TMEM154: variants seen among roughly 807,000 people sequenced by gnomAD.
TMEM154 encodes transmembrane protein 154.
A neutral mutation model predicts 24.5 loss-of-function variants in TMEM154; 27 were observed. The observed-to-expected ratio is 1.10, with a 90% CI of 0.81 to 1.52. The LOEUF is 1.52. Ranked by LOEUF, TMEM154 falls within the 40% of genes most tolerant of loss-of-function variation. The probability of loss-of-function intolerance (pLI) is 0.00; values close to 1 mark genes in which losing one functional copy is unlikely to be tolerated. For missense variants in TMEM154, 228 were observed against 213.4 expected (o/e 1.07, Z -0.43); for synonymous variants, 67 against 76.8 (o/e 0.87, Z 0.67).
At chr4:152,658,674 A>G (rs1017591758) in intron 1 of TMEM154, among the ~76,000 whole-genome samples, 1 of 152,142 alleles carries the variant, frequency 6.6e-6, no homozygotes, top group Admixed American at 6.5e-5. Flanking sequence ...CTAGCTGGGC[A>G]TGGTGGCACA....
chr4:152,637,630 GTTC>G (rs1752175859), intron 6 of TMEM154, among the ~76,000 whole-genome samples: 1 of 152,272 alleles, frequency 6.6e-6, no homozygotes, highest in East Asian at 1.9e-4. Context: ...AAGGACAGAT[GTTC>G]TTATTTCCAT....
Position 152,624,638 on chromosome 4 carries a change from C to A in TMEM154, c.*3908G>T, listed in dbSNP as rs1209663669. 1 of 151,914 alleles carries A rather than the reference C, an allele frequency of 6.6e-6. No homozygotes were observed. Among genetic ancestry groups the A allele is most frequent in the African/African-American group, 2.4e-5 (1 of 41,384 alleles). The allele number at this position is 151,914 out of a possible 1,614,324, so 9.4% of individuals were successfully genotyped here. On this transcript the variant is annotated 3_prime_UTR_variant, in exon 7 of 7. Transcript: ENST00000304385. Reference sequence around the variant, plus strand: ...ATAAAAAAAAACACCCAAAAACTATCCCCAAGAGGACTAAGAAGGAAATAA... The same window carrying A: ...ATAAAAAAAAACACCCAAAAACTATACCCAAGAGGACTAAGAAGGAAATAA...
At chr4:152,679,299 G>C (rs1311607167) in intron 1 of TMEM154, among the ~76,000 whole-genome samples, 1 of 149,948 alleles carries the variant, frequency 6.7e-6, no homozygotes, top group Non-Finnish European at 1.5e-5. Context: ...GTAGATGAAA[G>C]ACCTTACTTG....
At chr4:152,646,923 G>C in intron 3 of TMEM154, 3 of 702,220 alleles carry the variant, frequency 4.3e-6, no homozygotes, top group Non-Finnish European at 7.8e-6. Flanking sequence ...TTTATCGCCC[G>C]CTGTTTTCCC....
intron 1 of TMEM154, among the ~76,000 whole-genome samples, chr4:152,675,538 A>G (rs1304941187): frequency 2.0e-5 from 3 of 152,192 alleles, no homozygotes; most frequent in Non-Finnish European, 2.9e-5. Context: ...GAGGCAGGAG[A>G]ATCGCTTGAA....
chr4:152,644,886 T>C (rs577361071), intron 3 of TMEM154, among the ~76,000 whole-genome samples: 1 of 152,332 alleles, frequency 6.6e-6, no homozygotes, highest in East Asian at 1.9e-4. Context: ...TGGTGGAGGA[T>C]GTGGGATCTT....
chr4:152,619,514 T>C lies in TMEM154; in HGVS notation c.*9032A>G, dbSNP rs1030629557. Reference sequence around the variant, plus strand: ...ATGTCCTTTCCACCTTGAACCTAGGTAGACTTTGTAACTGTCTCAAACAAT... The same window carrying C: ...ATGTCCTTTCCACCTTGAACCTAGGCAGACTTTGTAACTGTCTCAAACAAT... On this transcript the variant is annotated 3_prime_UTR_variant, in exon 7 of 7. Coordinates refer to ENST00000304385, the MANE Select transcript of TMEM154 (RefSeq NM_152680.3). The C allele has an allele frequency of 5.9e-5, 9 of 152,172 alleles. No homozygotes were observed. The highest frequency in any genetic ancestry group is 8.8e-5 in the Non-Finnish European group (6 of 68,030). 9.4% of individuals were successfully genotyped at this position (152,172 alleles called of 1,614,324 possible).
chr4:152,635,215 C>T (rs1435615694), intron 6 of TMEM154, among the ~76,000 whole-genome samples: 1 of 152,180 alleles, frequency 6.6e-6, no homozygotes, highest in Non-Finnish European at 1.5e-5. Context: ...CACCATTCAC[C>T]GAGTACTTTC....
intron 6 of TMEM154, among the ~76,000 whole-genome samples, chr4:152,636,274 G>T (rs1752146917): frequency 6.6e-6 from 1 of 152,248 alleles, no homozygotes; most frequent in Non-Finnish European, 1.5e-5. Context: ...GATCAGGGAT[G>T]AAATTCTCTT....
Position 152,661,291 on chromosome 4 carries a change from TCTCTCTCTC to T in TMEM154, c.65-8373_65-8365del, listed in dbSNP as rs1728598974. Among the ~76,000 whole-genome samples, 31 of 56,554 alleles carry T rather than the reference TCTCTCTCTC, an allele frequency of 5.5e-4. 1 individual carries two copies. The highest frequency in any genetic ancestry group is 1.6e-3 in the African/African-American group (27 of 17,376). The allele number at this position is 56,554 out of a possible 152,430, so 37.1% of individuals were successfully genotyped here. ...ATCAAGGGATTGTTCTCTTTCTCTC[TCTCTCTCTC>T]TCTCTCTCTCTCTCTCTCTCTCTCT... On this transcript the variant is annotated intron_variant, in intron 1 of 6. Coordinates refer to ENST00000304385, the MANE Select transcript of TMEM154 (RefSeq NM_152680.3).
At chr4:152,659,432 A>G (rs1433797364) in intron 1 of TMEM154, among the ~76,000 whole-genome samples, 1 of 152,208 alleles carries the variant, frequency 6.6e-6, no homozygotes, top group Non-Finnish European at 1.5e-5. Context: ...TAGACAGTAT[A>G]AATTATAATG....
At chr4:152,638,182 T>C (rs34743749) in intron 6 of TMEM154, among the ~76,000 whole-genome samples, 8,745 of 152,228 alleles carry the variant, frequency 0.057, 295 homozygotes, top group Non-Finnish European at 0.076. Context: ...GGGAGAATCA[T>C]TTAGGCCCAG....
At chr4:152,671,485 C>T (rs1728835132) in intron 1 of TMEM154, among the ~76,000 whole-genome samples, 1 of 152,052 alleles carries the variant, frequency 6.6e-6, no homozygotes, top group Admixed American at 6.5e-5. Flanking sequence ...CGGTGGCTCA[C>T]GCCTGTAATC....
intron 3 of TMEM154, chr4:152,647,130 A>G (rs777736812): frequency 1.5e-5 from 22 of 1,463,512 alleles, no homozygotes; most frequent in Non-Finnish European, 1.9e-5. Flanking sequence ...GTCCTCTCCC[A>G]TTGTCAAATT....
chr4:152,634,002 C>T (rs986700817), intron 6 of TMEM154, among the ~76,000 whole-genome samples: 5 of 122,852 alleles, frequency 4.1e-5, no homozygotes, highest in East Asian at 2.5e-4. Context: ...GCACTCTAGT[C>T]GTCTGGGCAA....
At chr4:152,648,676 C>T (rs961394751) in intron 3 of TMEM154, among the ~76,000 whole-genome samples, 4 of 152,152 alleles carry the variant, frequency 2.6e-5, no homozygotes, top group African/African-American at 9.7e-5. Context: ...GATGCATGGA[C>T]CATGTCTGAG....
At position 152,644,803 on chromosome 4, in the gene TMEM154, C is replaced by T. The variant is rs998654873; in HGVS notation, c.365-361G>A. 2.0e-5 allele frequency among the ~76,000 whole-genome samples: 3 copies of T among 152,192 alleles called. No individual in the cohort carries two copies. The East Asian group carries it at 5.8e-4, about 29-fold the overall frequency. On this transcript the variant is annotated intron_variant, in intron 3 of 6. Coordinates refer to ENST00000304385, the MANE Select transcript of TMEM154 (RefSeq NM_152680.3). ...TCCTTGGCCTCCTTCAGTAAAATGT[C>T]CCAGATCTAAAGGCTGCTGCTTCAT...
At chr4:152,635,587 G>A (rs1006593364) in intron 6 of TMEM154, among the ~76,000 whole-genome samples, 1 of 151,916 alleles carries the variant, frequency 6.6e-6, no homozygotes, top group East Asian at 2.0e-4. Context: ...AAAGAGAAGG[G>A]ATGAAACAGG....
rs1276536176 is a variant in TMEM154, at chr4:152,679,956, G to T, written c.-23C>A. 6.3e-7 allele frequency: 1 copy of T among 1,598,750 alleles called. No individual in the cohort carries two copies. Among genetic ancestry groups the T allele is most frequent in the Non-Finnish European group, 8.5e-7 (1 of 1,172,546 alleles). ...CATGTCCGCTCGCCTCGGCAGAGGC[G>T]CGCTCAGGATGCTGCGCCGGGCTGC... is the stretch of plus-strand genomic sequence containing the variant. On this transcript the variant is annotated 5_prime_UTR_variant, in exon 1 of 7. Coordinates refer to ENST00000304385, the MANE Select transcript of TMEM154 (RefSeq NM_152680.3).
Sources: allele counts gnomAD v4.1 joint callset (sites outside exome capture counted in the v4.1 genomes callset), GRCh38; gene constraint gnomAD v4.1.1; transcripts MANE v1.5; gene names NCBI Gene and HGNC (gene_info 2026-07-23, HGNC 2026-07-21).